The following CCDC180 variants were observed in gnomAD, a reference collection of about 807,000 sequenced individuals.
The protein encoded by CCDC180 is coiled-coil domain-containing protein 180.
In CCDC180, 154 loss-of-function variants were observed where a neutral mutation model predicts 209.2. The observed-to-expected ratio is 0.74, with a 90% CI of 0.65 to 0.84. The LOEUF is 0.84. Among genes scored for constraint, CCDC180 ranks in the 40% least tolerant of loss-of-function variants. The pLI is 0.00. For synonymous variants in CCDC180, 778 were observed against 749.1 expected (o/e 1.04, Z -0.63); for missense variants, 1,874 against 1,997.3 (o/e 0.94, Z 1.18).
intron 18 of CCDC180, among the ~76,000 whole-genome samples, chr9:97,334,015 G>A (rs966649226): frequency 4.6e-5 from 7 of 151,628 alleles, no homozygotes; most frequent in African/African-American, 1.7e-4. Context: ...TCTTTAAAGG[G>A]GGAACAAGGG....
Position 97,369,945 on chromosome 9 carries a change from T to C in CCDC180, c.4213T>C (p.Phe1405Leu), listed in dbSNP as rs1827030132. ...AGAATTACGGATCCAGATCAGGAGA[T>C]TTGAGGAGCTGCTGCCCCAAGTGTG... Reference protein sequence around the residue: ...LIELRIQIRRFEELLPQVCWL... With the variant: ...LIELRIQIRRLEELLPQVCWL... The change falls in exon 32 of 37, where the codon TTT becomes CTT. Residue 1405 changes from phenylalanine to leucine, a missense_variant. Coordinates refer to ENST00000529487, the MANE Select transcript of CCDC180 (RefSeq NM_020893.6). The C allele has an allele frequency of 1.2e-6, 2 of 1,614,032 alleles. No homozygotes were observed. Among genetic ancestry groups the C allele is most frequent in the African/African-American group, 2.7e-5 (2 of 74,904 alleles).
At chr9:97,355,091 T>A in intron 24 of CCDC180, 83 bp downstream of exon 24, 1 of 860,306 alleles carries the variant, frequency 1.2e-6, no homozygotes, top group Non-Finnish European at 2.0e-6. Context: ...AGGAGGCCAT[T>A]GTGGTCTCTG....
rs115899483 is a variant in CCDC180 at position 97,316,757 on chromosome 9, G to T, written c.796-308G>T. Reference sequence around the variant, plus strand: ...AGAGTAAACACTTAGAGCTCACTGAGTGCCTGCCTCCTTTCACCTTCTTTA... The same window carrying T: ...AGAGTAAACACTTAGAGCTCACTGATTGCCTGCCTCCTTTCACCTTCTTTA... On this transcript the variant is annotated intron_variant, in intron 8 of 36. Transcript: ENST00000529487. Among the ~76,000 whole-genome samples the T allele has an allele frequency of 8.4e-3, 1,281 of 152,344 alleles. 16 individuals carry two copies. The highest frequency in any genetic ancestry group is 0.029 in the African/African-American group (1,196 of 41,584).
At chr9:97,315,987 G>A (rs1833159603) in intron 8 of CCDC180, among the ~76,000 whole-genome samples, 4 of 152,230 alleles carry the variant, frequency 2.6e-5, no homozygotes, top group Admixed American at 1.3e-4. Flanking sequence ...GAAAAATCAT[G>A]TCAAGCCATC....
intron 25 of CCDC180, chr9:97,358,059 A>G (rs1363681015): frequency 5.1e-6 from 1 of 197,756 alleles, no homozygotes; most frequent in Non-Finnish European, 1.0e-5. Flanking sequence ...TCCTAGATGC[A>G]TGACAGAAGC....
At position 97,318,489 on chromosome 9, in the gene CCDC180, A is replaced by G. The variant is rs749647731; in HGVS notation, c.986A>G (p.His329Arg). 9 of 1,613,692 alleles carry G rather than the reference A, an allele frequency of 5.6e-6. No individual in the cohort carries two copies. The highest frequency in any genetic ancestry group is 4.5e-5 in the East Asian group (2 of 44,880). ...GAGTTCATGGCCAGTGAGAGTATCC[A>G]TACTCCCCCGGCTGTGACGAAGGAG... ...FSEFMASESI[H>R]TPPAVTKELE... The change falls in exon 10 of 37, where the codon CAT becomes CGT. Residue 329 changes from histidine (H) to arginine (R), a missense_variant. By Grantham distance (29) the His-to-Arg change is conservative. Coordinates refer to ENST00000529487, the MANE Select transcript of CCDC180 (RefSeq NM_020893.6).
rs780105852 is a variant in CCDC180 at position 97,309,531 on chromosome 9, ATGTCTC to A, written c.188_193del (p.Met63_Pro65delinsThr). The A allele has an allele frequency of 3.1e-5, 50 of 1,600,818 alleles. No individual in the cohort carries two copies. Among genetic ancestry groups the A allele is most frequent in the Middle Eastern group, 3.3e-4 (2 of 6,068 alleles). ...GGTGGAGACTCCTGAAGGGGAGGTG[ATGTCTC>A]CCCGACAGCAGAAGTGGATGCACAG... On this transcript the variant is annotated inframe_deletion, in exon 3 of 37. Transcript: ENST00000529487.
At position 97,322,873 on chromosome 9, in the gene CCDC180, G is replaced by A. The variant is rs778651513; in HGVS notation, c.1200G>A (p.Leu400=). The A allele has an allele frequency of 1.2e-6, 2 of 1,614,140 alleles. No individual in the cohort carries two copies. Among genetic ancestry groups the A allele is most frequent in the South Asian group, 1.1e-5 (1 of 91,086 alleles). The change falls in exon 12 of 37, where the codon CTG becomes CTA. Residue 400 remains leucine, a synonymous_variant. Coordinates refer to ENST00000529487, the MANE Select transcript of CCDC180 (RefSeq NM_020893.6). The part of the protein sequence containing the change: ...HVDCMMRIRL[L]YEKTWQECLM... Reference sequence around the variant, plus strand: ...ACTGCATGATGCGGATCCGCCTGCTGTATGAGAAGACATGGCAGGAGTGCC... The same window carrying A: ...ACTGCATGATGCGGATCCGCCTGCTATATGAGAAGACATGGCAGGAGTGCC...
intron 21 of CCDC180, 86 bp downstream of exon 21, chr9:97,349,377 G>C: frequency 8.2e-7 from 1 of 1,225,144 alleles, no homozygotes; most frequent in Non-Finnish European, 1.1e-6. Context: ...CCCCCTCCCT[G>C]TAGACACAAA....
intron 26 of CCDC180, among the ~76,000 whole-genome samples, chr9:97,360,677 A>G (rs2117868887): frequency 6.6e-6 from 1 of 151,878 alleles, no homozygotes; most frequent in African/African-American, 2.4e-5. Context: ...TCCGCCTAAG[A>G]TGTCACTCCC....
chr9:97,320,327 G>C, intron 11 of CCDC180, 122 bp downstream of exon 11: 1 of 889,862 alleles, frequency 1.1e-6, no homozygotes, highest in East Asian at 2.4e-5. Flanking sequence ...GGGTGTGGCA[G>C]GAAAAGTGAG....
chr9:97,344,878 C>T (rs1197148274), intron 19 of CCDC180, among the ~76,000 whole-genome samples: 1 of 152,148 alleles, frequency 6.6e-6, no homozygotes, highest in African/African-American at 2.4e-5. Context: ...TCAAGTGTAC[C>T]CATCCCAAGT....
intron 31 of CCDC180, among the ~76,000 whole-genome samples, chr9:97,368,948 G>A (rs1293934819): frequency 1.3e-5 from 2 of 152,012 alleles, no homozygotes; most frequent in Admixed American, 1.3e-4. Flanking sequence ...ACAGAACATA[G>A]AATAATATAC....
intron 21 of CCDC180, 108 bp downstream of exon 21, chr9:97,349,399 C>T (rs1826361744): frequency 1.2e-6 from 1 of 865,432 alleles, no homozygotes; most frequent in Non-Finnish European, 1.7e-6. Context: ...GCAGAAGGCA[C>T]CTCCAGAGCC....
intron 24 of CCDC180, 149 bp from the exon 25 acceptor site, chr9:97,357,478 G>T: frequency 1.5e-6 from 1 of 668,420 alleles, no homozygotes; most frequent in Non-Finnish European, 2.6e-6. Context: ...TTTTTAATTT[G>T]TATCAATGTC....
rs1833020457 is a variant in CCDC180, at chr9:97,312,436, A to G, written c.349+235A>G. 2.6e-5 allele frequency among the ~76,000 whole-genome samples: 4 copies of G among 152,254 alleles called. No homozygotes were observed. In the South Asian group the frequency reaches 8.3e-4, roughly 32 times the overall value. On this transcript the variant is annotated intron_variant, in intron 4 of 36. Coordinates refer to ENST00000529487, the MANE Select transcript of CCDC180 (RefSeq NM_020893.6). Reference sequence around the variant, plus strand: ...TGCATGGAGGGCAGTTACTGATGCAAAACAGGTGATTAAAGGATGCCACTC... The same window carrying G: ...TGCATGGAGGGCAGTTACTGATGCAGAACAGGTGATTAAAGGATGCCACTC...
rs1470456156 is a variant in CCDC180 at position 97,317,241 on chromosome 9, C to T, written c.959+13C>T. The T allele has an allele frequency of 6.5e-7, 1 of 1,547,334 alleles. No homozygotes were observed. The highest frequency in any genetic ancestry group is 1.2e-5 in the South Asian group (1 of 84,362). On this transcript the variant is annotated intron_variant, in intron 9 of 36. Transcript: ENST00000529487. The stretch of plus-strand genomic sequence containing the variant: ...TGCAGAGTTTCAGGTCAGTGCCGCC[C>T]ACACAGCTCCTTCTCCAGCCCACCA...
chr9:97,326,859 T>A (rs1327008063), intron 15 of CCDC180, among the ~76,000 whole-genome samples, 190 bp downstream of exon 15: 1 of 152,196 alleles, frequency 6.6e-6, no homozygotes, highest in Admixed American at 6.5e-5. Flanking sequence ...GAGAATTTTT[T>A]AAAGTTTTTG....
intron 32 of CCDC180, 142 bp from the exon 33 acceptor site, chr9:97,370,499 C>T (rs1359913126): frequency 5.4e-6 from 5 of 922,490 alleles, no homozygotes; most frequent in East Asian, 2.4e-5. Context: ...AACCCCTCTG[C>T]CACTCTTCTG....
Sources: allele counts gnomAD v4.1 joint callset (sites outside exome capture counted in the v4.1 genomes callset), GRCh38; gene constraint gnomAD v4.1.1; transcripts MANE v1.5; gene names NCBI Gene and HGNC (gene_info 2026-07-23, HGNC 2026-07-21).